The following GRIN2B variants were observed in gnomAD, a reference collection of about 807,000 sequenced individuals.
The protein encoded by GRIN2B is glutamate receptor ionotropic, NMDA 2B.
Under a neutral mutation model 114.5 loss-of-function variants are expected in GRIN2B, and 5 were observed. The ratio of observed to expected loss-of-function variants is 0.04; its 90% CI spans 0.02 to 0.09. The LOEUF (loss-of-function observed/expected upper bound fraction) is 0.09, where lower values mean the gene tolerates loss of function less well. Among genes scored for constraint, GRIN2B ranks in the 10% least tolerant of loss-of-function variants. The probability of loss-of-function intolerance (pLI) is 1.00; values close to 1 mark genes in which losing one functional copy is unlikely to be tolerated. For synonymous variants in GRIN2B, 787 were observed against 745.1 expected (o/e 1.06, Z -0.92); for missense variants, 1,108 against 1,943.5 (o/e 0.57, Z 8.08).
Position 13,704,510 on chromosome 12 carries a change from G to A in GRIN2B, c.1011-28651C>T, listed in dbSNP as rs140895435. Among the ~76,000 whole-genome samples, 264 of 152,168 alleles carry A rather than the reference G, an allele frequency of 1.7e-3. 3 individuals carry two copies. The highest frequency in any genetic ancestry group is 2.6e-3 in the Non-Finnish European group (177 of 68,014). On this transcript the variant is annotated intron_variant, in intron 4 of 13. Transcript: ENST00000609686. ...AGAATATGCTGAAATAACACCCACA[G>A]CATTACAGTTCTTCTTGGTCATCAC...
intron 3 of GRIN2B, among the ~76,000 whole-genome samples, chr12:13,828,487 T>A (rs1027387453): frequency 6.6e-6 from 1 of 152,136 alleles, no homozygotes; most frequent in Non-Finnish European, 1.5e-5. Flanking sequence ...TTACCGGAGC[T>A]CCTTCTAACC....
At chr12:13,573,782 G>A (rs1288340384) in intron 10 of GRIN2B, among the ~76,000 whole-genome samples, 1 of 152,056 alleles carries the variant, frequency 6.6e-6, no homozygotes, top group African/African-American at 2.4e-5. Context: ...TTAGAATATG[G>A]GAGTTCCATG....
intron 3 of GRIN2B, among the ~76,000 whole-genome samples, chr12:13,855,781 A>T (rs1865650792): frequency 6.6e-6 from 1 of 152,192 alleles, no homozygotes; most frequent in South Asian, 2.1e-4. Flanking sequence ...TTATCCAAAT[A>T]AGGTCACATT....
intron 3 of GRIN2B, among the ~76,000 whole-genome samples, chr12:13,857,472 C>T (rs551652342): frequency 6.6e-6 from 1 of 152,054 alleles, no homozygotes; most frequent in South Asian, 2.1e-4. Flanking sequence ...CTAAGAATCC[C>T]TAAAAGGGAA....
chr12:13,781,382 C>A (rs1361565887), intron 3 of GRIN2B, among the ~76,000 whole-genome samples: 2 of 152,178 alleles, frequency 1.3e-5, no homozygotes, highest in African/African-American at 4.8e-5. Context: ...GGAAACCCGG[C>A]TGTCAAACAG....
At chr12:13,915,855 G>A (rs6488624) in intron 2 of GRIN2B, among the ~76,000 whole-genome samples, 69,138 of 151,534 alleles carry the variant, frequency 0.46, 15,994 homozygotes, top group South Asian at 0.53. Flanking sequence ...CAAGGCTGGC[G>A]TGATGAGGCA....
In GRIN2B at chr12:13,753,151, G is replaced by C. The variant is rs1863513835; in HGVS notation, c.1010+166C>G. ...AAATGAAAGTTGTTTTGGCAAGGTTGGATCCAAAACACTCCCCCAATCATG... is the reference window on the plus strand; with the variant it reads ...AAATGAAAGTTGTTTTGGCAAGGTTCGATCCAAAACACTCCCCCAATCATG... On this transcript the variant is annotated intron_variant, in intron 4 of 13. Coordinates refer to ENST00000609686, the MANE Select transcript of GRIN2B (RefSeq NM_000834.5). This position sits in a 1 kb window ranked among gnomAD's most constrained non-coding sequence, Gnocchi z 6.2. Among the ~76,000 whole-genome samples the C allele has an allele frequency of 6.6e-6, 1 of 152,176 alleles. No individual in the cohort carries two copies. The highest frequency in any genetic ancestry group is 2.4e-5 in the African/African-American group (1 of 41,434).
intron 4 of GRIN2B, among the ~76,000 whole-genome samples, chr12:13,752,056 ACTGTGAAC>A (rs1187623467): frequency 1.3e-5 from 2 of 152,208 alleles, no homozygotes; most frequent in Non-Finnish European, 2.9e-5. Flanking sequence ...AGATATAACT[ACTGTGAAC>A]CTGGTTTGAG....
intron 3 of GRIN2B, among the ~76,000 whole-genome samples, chr12:13,769,251 G>A (rs1863861031): frequency 6.6e-6 from 1 of 152,078 alleles, no homozygotes; most frequent in African/African-American, 2.4e-5. Context: ...AGGGGACAGA[G>A]TGCCCTCAGT....
chr12:13,598,778 G>A (rs1486602281), intron 10 of GRIN2B, among the ~76,000 whole-genome samples: 1 of 152,104 alleles, frequency 6.6e-6, no homozygotes, highest in Non-Finnish European at 1.5e-5. Context: ...TACTTGGTTT[G>A]AAAGGGTTCT....
intron 3 of GRIN2B, among the ~76,000 whole-genome samples, chr12:13,851,399 C>A (rs115487939): frequency 6.6e-6 from 1 of 152,132 alleles, no homozygotes; most frequent in African/African-American, 2.4e-5. Flanking sequence ...AATGACATTG[C>A]ACTGGAAACC....
intron 3 of GRIN2B, among the ~76,000 whole-genome samples, chr12:13,800,393 C>G (rs11055626): frequency 0.067 from 10,201 of 152,250 alleles, 500 homozygotes; most frequent in East Asian, 0.16. Context: ...TCTTCACTGA[C>G]AGTGTTTGTT....
At chr12:13,940,506 G>A (rs1007878673) in intron 2 of GRIN2B, among the ~76,000 whole-genome samples, 3 of 151,970 alleles carry the variant, frequency 2.0e-5, no homozygotes, top group African/African-American at 4.8e-5. Context: ...CCAAAATGAC[G>A]AAGTGGGAGA....
intron 3 of GRIN2B, among the ~76,000 whole-genome samples, chr12:13,754,671 C>T (rs1863547075): frequency 6.6e-6 from 1 of 152,200 alleles, no homozygotes; most frequent in African/African-American, 2.4e-5. Flanking sequence ...AAGGCTCAAA[C>T]AGTATGTCTA....
intron 5 of GRIN2B, among the ~76,000 whole-genome samples, chr12:13,666,602 C>T (rs1949978513): frequency 6.6e-6 from 1 of 152,068 alleles, no homozygotes; most frequent in Admixed American, 6.6e-5. Context: ...TTGGCTATTA[C>T]TTCCTTTAAA....
At chr12:13,595,647 G>C (rs776014795) in intron 10 of GRIN2B, among the ~76,000 whole-genome samples, 6 of 152,088 alleles carry the variant, frequency 3.9e-5, no homozygotes, top group Non-Finnish European at 8.8e-5. Context: ...TCTTGCCTCA[G>C]CATCAGAGGG....
chr12:13,859,025 T>G (rs567063183), intron 3 of GRIN2B, among the ~76,000 whole-genome samples: 1 of 152,366 alleles, frequency 6.6e-6, no homozygotes, highest in South Asian at 2.1e-4. Flanking sequence ...GAATGCAAGA[T>G]GGCATATACT....
At chr12:13,968,833 G>C (rs1268984121) in intron 2 of GRIN2B, among the ~76,000 whole-genome samples, 1 of 152,146 alleles carries the variant, frequency 6.6e-6, no homozygotes, top group Non-Finnish European at 1.5e-5. Context: ...GCCATACTTA[G>C]GACTGCCATT....
At chr12:13,891,709 G>A (rs1357414738) in intron 2 of GRIN2B, among the ~76,000 whole-genome samples, 1 of 152,048 alleles carries the variant, frequency 6.6e-6, no homozygotes, top group Non-Finnish European at 1.5e-5. Context: ...CTGCAAAATT[G>A]AATCCTCTAT....
Sources: allele counts gnomAD v4.1 joint callset (sites outside exome capture counted in the v4.1 genomes callset), GRCh38; gene constraint gnomAD v4.1.1; non-coding constraint Gnocchi (gnomAD v3.1); transcripts MANE v1.5; gene names NCBI Gene and HGNC (gene_info 2026-07-23, HGNC 2026-07-21).